Variants in MYO16 observed in about 807,000 individuals in gnomAD.
The protein encoded by MYO16 is unconventional myosin-XVI.
MYO16 carries 94 observed loss-of-function variants against 205.3 expected under a neutral mutation model. That is an observed-to-expected ratio of 0.46 (90% CI 0.39 to 0.54). The LOEUF (loss-of-function observed/expected upper bound fraction) is 0.54. Ranked by LOEUF, MYO16 falls within the 20% of genes least tolerant of loss-of-function variation. The pLI, the probability that MYO16 is intolerant of heterozygous loss-of-function variation, is 0.00. For missense variants in MYO16, 2,315 were observed against 2,387.5 expected (o/e 0.97, Z 0.63); for synonymous variants, 988 against 954.0 (o/e 1.04, Z -0.66).
At chr13:108,639,859 G>T (rs1012325541) in intron 1 of MYO16, among the ~76,000 whole-genome samples, 2 of 152,192 alleles carry the variant, frequency 1.3e-5, no homozygotes, top group Non-Finnish European at 2.9e-5. Flanking sequence ...TTAAGGCCTT[G>T]GGACGACTTC....
chr13:109,150,452 A>C (rs1473038779), intron 32 of MYO16, among the ~76,000 whole-genome samples: 1 of 152,122 alleles, frequency 6.6e-6, no homozygotes, highest in Admixed American at 6.5e-5. Flanking sequence ...GAAGGTTATG[A>C]CTATTAAATA....
At chr13:108,971,967 G>T (rs1484949518) in intron 20 of MYO16, among the ~76,000 whole-genome samples, 1 of 151,564 alleles carries the variant, frequency 6.6e-6, no homozygotes, top group African/African-American at 2.4e-5. Flanking sequence ...TTGGAAGGCT[G>T]AGGTGGGTGG....
intron 27 of MYO16, among the ~76,000 whole-genome samples, chr13:109,073,719 C>T (rs1191360589): frequency 2.0e-5 from 3 of 152,170 alleles, no homozygotes; most frequent in Admixed American, 6.5e-5. Flanking sequence ...TTCTGCTCTT[C>T]AGCATATCCT....
chr13:109,055,219 T>A lies in MYO16; in HGVS notation c.3129+93T>A. ...ACTTTTTTTTCCATTTTTGACAACTTAAATATCTTCACAAAAAAAGTAAAC... is the reference window on the plus strand; with the variant it reads ...ACTTTTTTTTCCATTTTTGACAACTAAAATATCTTCACAAAAAAAGTAAAC... On this transcript the variant is annotated intron_variant, in intron 26 of 34. Transcript: ENST00000457511. This position sits in a 1 kb window ranked among gnomAD's most constrained non-coding sequence, Gnocchi z 5.0. 1 of 1,129,014 alleles carries A rather than the reference T, an allele frequency of 8.9e-7. No homozygotes were observed. Among genetic ancestry groups the A allele is most frequent in the Non-Finnish European group, 1.3e-6 (1 of 792,244 alleles). 69.9% of individuals were successfully genotyped at this position (1,129,014 alleles called of 1,614,324 possible). A position where few individuals can be genotyped will look rare whatever the true frequency, so the allele number is the denominator to read the frequency against.
At chr13:108,978,123 AC>A (rs1336301767) in intron 20 of MYO16, among the ~76,000 whole-genome samples, 1 of 151,870 alleles carries the variant, frequency 6.6e-6, no homozygotes, top group Non-Finnish European at 1.5e-5. Flanking sequence ...GGAATACTGA[AC>A]CTTGAGTTTC....
chr13:108,790,935 T>C (rs778643086), intron 5 of MYO16, among the ~76,000 whole-genome samples: 12 of 152,350 alleles, frequency 7.9e-5, no homozygotes, highest in South Asian at 2.1e-4. Context: ...TACATAATTA[T>C]ATAAAAGATA....
At chr13:108,614,811 A>G (rs1879294450) in intron 1 of MYO16, among the ~76,000 whole-genome samples, 1 of 152,090 alleles carries the variant, frequency 6.6e-6, no homozygotes, top group African/African-American at 2.4e-5. Flanking sequence ...ATATACACAA[A>G]TTAACAAAAA....
the MYO16 span, among the ~76,000 whole-genome samples, chr13:108,510,461 G>GTTTTTTGTTTTT: frequency 6.5e-5 from 3 of 45,914 alleles, no homozygotes; most frequent in East Asian, 1.0e-3. Flanking sequence ...ATTGATAGCT[G>GTTTTTTGTTTTT]TTTTTTTTTT....
At chr13:108,657,628 A>G (rs950923644) in intron 1 of MYO16, among the ~76,000 whole-genome samples, 4 of 152,126 alleles carry the variant, frequency 2.6e-5, no homozygotes, top group Non-Finnish European at 5.9e-5. Flanking sequence ...AATAAGGTGG[A>G]ACATCTTTTG....
intron 1 of MYO16, among the ~76,000 whole-genome samples, chr13:108,609,419 G>C (rs980734312): frequency 6.6e-6 from 1 of 152,182 alleles, no homozygotes; most frequent in Non-Finnish European, 1.5e-5. Flanking sequence ...GCCCAGGTCT[G>C]TTCTGCTCAC....
At position 108,855,467 on chromosome 13, in the gene MYO16, A is replaced by G. The variant is rs1594347002; in HGVS notation, c.1273A>G (p.Asn425Asp). Residue 425 changes from asparagine to aspartate, a missense_variant, in exon 11 of 35, where the codon AAC (asparagine) becomes GAC (aspartate). By Grantham distance (23) the Asn-to-Asp change is conservative. Transcript: ENST00000457511. ...EQVKLMPPAP[N>D]DDLATLSELN... ...GGTCAAGCTAATGCCTCCTGCCCCAAACGATGACCTGGCAACGCTCAGCGA... is the reference window on the plus strand; with the variant it reads ...GGTCAAGCTAATGCCTCCTGCCCCAGACGATGACCTGGCAACGCTCAGCGA... The G allele has an allele frequency of 6.3e-7, 1 of 1,593,012 alleles. No homozygotes were observed. The highest frequency in any genetic ancestry group is 8.6e-7 in the Non-Finnish European group (1 of 1,163,792).
At chr13:108,522,672 C>T in the MYO16 span, among the ~76,000 whole-genome samples, 111 of 152,228 alleles carry the variant, frequency 7.3e-4, no homozygotes, top group African/African-American at 2.7e-3. Flanking sequence ...CTCTTTCCTA[C>T]CTTCTGGTGA....
At chr13:108,861,991 G>C (rs1477266974) in intron 11 of MYO16, among the ~76,000 whole-genome samples, 2 of 152,080 alleles carry the variant, frequency 1.3e-5, no homozygotes, top group African/African-American at 4.8e-5. Flanking sequence ...AAGAAAGCTT[G>C]GCATTAGTTA....
chr13:108,800,144 G>A (rs1366789255), intron 6 of MYO16, among the ~76,000 whole-genome samples: 2 of 152,202 alleles, frequency 1.3e-5, no homozygotes, highest in Non-Finnish European at 2.9e-5. Flanking sequence ...GCTAAGCTGT[G>A]CTTGCTCCAT....
In MYO16 at chr13:108,887,272, C is replaced by T. The variant is rs139053803; in HGVS notation, c.1554-1100C>T. On this transcript the variant is annotated intron_variant, in intron 13 of 34. Transcript: ENST00000457511. ...ACAAGTGAGTGGAAGCATCCATTAACGACTCGACACTTTAAACAAATAATT... is the reference window on the plus strand; with the variant it reads ...ACAAGTGAGTGGAAGCATCCATTAATGACTCGACACTTTAAACAAATAATT... Among the ~76,000 whole-genome samples, 1,190 of 152,280 alleles carry T rather than the reference C, an allele frequency of 7.8e-3. 10 individuals are homozygous for T. Among genetic ancestry groups the T allele is most frequent in the African/African-American group, 0.027 (1,136 of 41,552 alleles).
At chr13:108,858,859 G>A (rs1008657924) in intron 11 of MYO16, among the ~76,000 whole-genome samples, 1 of 152,110 alleles carries the variant, frequency 6.6e-6, no homozygotes, top group African/African-American at 2.4e-5. Flanking sequence ...GACGTCAGAT[G>A]CTGGCACCCT....
At chr13:108,787,474 G>T (rs1886494724) in intron 5 of MYO16, among the ~76,000 whole-genome samples, 1 of 152,066 alleles carries the variant, frequency 6.6e-6, no homozygotes, top group African/African-American at 2.4e-5. Context: ...AAAATAAAAC[G>T]ACATTTATTT....
intron 11 of MYO16, among the ~76,000 whole-genome samples, chr13:108,861,834 C>A (rs1353298828): frequency 6.7e-6 from 1 of 150,006 alleles, no homozygotes; most frequent in African/African-American, 2.5e-5. Context: ...TTTATGTATT[C>A]ACGATATTCT....
At chr13:108,507,280 C>G in the MYO16 span, among the ~76,000 whole-genome samples, 1 of 152,100 alleles carries the variant, frequency 6.6e-6, no homozygotes, top group Non-Finnish European at 1.5e-5. Flanking sequence ...CTTAAAGGGG[C>G]TCCCTTTAAT....
Sources: gnomAD v4.1 joint callset for allele counts (sites outside exome capture counted in the v4.1 genomes callset) on GRCh38, gnomAD v4.1.1 for gene constraint, Gnocchi (gnomAD v3.1) non-coding constraint, MANE v1.5 for transcripts, NCBI Gene and HGNC (gene_info 2026-07-23, HGNC 2026-07-21) for gene names.